MACROD2: variants seen among roughly 807,000 people sequenced by gnomAD.
The protein encoded by MACROD2 is mono-ADP ribosylhydrolase 2, also known as ADP-ribose glycohydrolase MACROD2.
In MACROD2, 36 loss-of-function variants were observed where a neutral mutation model predicts 70.4. The observed-to-expected ratio is 0.51, with a 90% CI of 0.39 to 0.68. MACROD2 has a LOEUF of 0.68. Ranked by LOEUF, MACROD2 falls within the 30% of genes least tolerant of loss-of-function variation. The probability of loss-of-function intolerance (pLI) is 0.00; values close to 1 mark genes in which losing one functional copy is unlikely to be tolerated. For missense variants in MACROD2, 496 were observed against 538.4 expected (o/e 0.92, Z 0.78); for synonymous variants, 172 against 178.8 (o/e 0.96, Z 0.30).
At chr20:15,825,557 GGCCCAAT>G (rs1206487908) in intron 8 of MACROD2, among the ~76,000 whole-genome samples, 1 of 151,650 alleles carries the variant, frequency 6.6e-6, no homozygotes, top group East Asian at 1.9e-4. Context: ...GGAGTACAGT[GGCCCAAT>G]CTTGGCTCAC....
At chr20:15,190,915 A>C (rs114328991) in intron 5 of MACROD2, among the ~76,000 whole-genome samples, 1,979 of 152,256 alleles carry the variant, frequency 0.013, 38 homozygotes, top group African/African-American at 0.044. Flanking sequence ...TGCGGTCTGG[A>C]TGGGTTGGTT....
At chr20:15,461,006 A>ATATATATATATATTTTTTTTTTT in intron 7 of MACROD2, among the ~76,000 whole-genome samples, 9 of 67,008 alleles carry the variant, frequency 1.3e-4, no homozygotes, top group African/African-American at 2.1e-4. Flanking sequence ...ATATATATAT[A>ATATATATATATATTTTTTTTTTT]TTTTTTTTTA....
At chr20:14,503,527 C>T (rs117201348) in intron 4 of MACROD2, among the ~76,000 whole-genome samples, 2,297 of 152,218 alleles carry the variant, frequency 0.015, 31 homozygotes, top group Non-Finnish European at 0.025. Context: ...CAGCTATGAA[C>T]AACTGGGAGA....
rs976415299 is a variant in MACROD2 at position 15,079,473 on chromosome 20, G to A, written c.419-150467G>A. ...CCATAATGTTAGTTTTGAGCATCCC[G>A]TTCTTTGACTACTACTTCTTATCTT... is the stretch of plus-strand genomic sequence containing the variant. On this transcript the variant is annotated intron_variant, in intron 5 of 17. Transcript: ENST00000684519. Among the ~76,000 whole-genome samples, 6 of 151,996 alleles carry A rather than the reference G, an allele frequency of 3.9e-5. No homozygotes were observed. The South Asian group carries it at 6.2e-4, about 16-fold the overall frequency.
intron 13 of MACROD2, among the ~76,000 whole-genome samples, chr20:15,982,018 C>G (rs1013171050): frequency 6.6e-6 from 1 of 151,746 alleles, no homozygotes; most frequent in Non-Finnish European, 1.5e-5. Context: ...ATCAGAGAAC[C>G]GCATCTTATT....
chr20:15,468,376 A>G (rs1165796747), intron 7 of MACROD2, among the ~76,000 whole-genome samples: 1 of 152,150 alleles, frequency 6.6e-6, no homozygotes, highest in Non-Finnish European at 1.5e-5. Context: ...TGTCTTAACT[A>G]CAAACGAAAC....
intron 12 of MACROD2, among the ~76,000 whole-genome samples, chr20:15,958,005 A>G (rs1223176440): frequency 6.6e-6 from 1 of 152,248 alleles, no homozygotes; most frequent in Non-Finnish European, 1.5e-5. Context: ...ATAAGAGGTT[A>G]TCACAAATAT....
chr20:14,356,521 T>TTTTG (rs2083174185), intron 3 of MACROD2, among the ~76,000 whole-genome samples: 2 of 118,958 alleles, frequency 1.7e-5, no homozygotes, highest in African/African-American at 3.3e-5. Flanking sequence ...TTTTTTTTTT[T>TTTTG]CGAGATGGAG....
chr20:14,978,052 TG>T, intron 5 of MACROD2, among the ~76,000 whole-genome samples: 1 of 152,270 alleles, frequency 6.6e-6, no homozygotes, highest in East Asian at 1.9e-4. Context: ...GATATGGAGC[TG>T]TAATCCATGT....
At chr20:14,133,649 G>A (rs1008260345) in intron 3 of MACROD2, among the ~76,000 whole-genome samples, 12 of 152,324 alleles carry the variant, frequency 7.9e-5, no homozygotes, top group African/African-American at 2.4e-4. Flanking sequence ...TGTGAATAAA[G>A]TGAAGGAACA....
intron 7 of MACROD2, among the ~76,000 whole-genome samples, chr20:15,451,176 G>C (rs565088804): frequency 6.6e-6 from 1 of 151,918 alleles, no homozygotes; most frequent in Non-Finnish European, 1.5e-5. Flanking sequence ...CCATTTGCCC[G>C]TGATTAGCAT....
At chr20:14,748,215 A>G (rs2071824718) in intron 5 of MACROD2, among the ~76,000 whole-genome samples, 1 of 152,000 alleles carries the variant, frequency 6.6e-6, no homozygotes, top group Admixed American at 6.5e-5. Context: ...TTTCCTGAAC[A>G]TGTTTCCCAG....
intron 6 of MACROD2, among the ~76,000 whole-genome samples, chr20:15,346,317 G>A (rs1300752399): frequency 1.3e-5 from 2 of 152,170 alleles, no homozygotes; most frequent in African/African-American, 4.8e-5. Context: ...TAAGAAGGAG[G>A]CAAGACCCTC....
At chr20:14,462,533 G>A (rs2084384695) in intron 3 of MACROD2, among the ~76,000 whole-genome samples, 1 of 152,024 alleles carries the variant, frequency 6.6e-6, no homozygotes, top group Non-Finnish European at 1.5e-5. Flanking sequence ...AAGCTCTTTA[G>A]TTTAATTAGA....
At chr20:14,765,567 G>A (rs1460927879) in intron 5 of MACROD2, among the ~76,000 whole-genome samples, 2 of 152,212 alleles carry the variant, frequency 1.3e-5, no homozygotes, top group Admixed American at 6.5e-5. Flanking sequence ...TAGTGGTGGT[G>A]AGAATAGAAC....
intron 12 of MACROD2, among the ~76,000 whole-genome samples, chr20:15,940,340 C>T (rs1352399810): frequency 1.3e-5 from 2 of 152,100 alleles, no homozygotes; most frequent in Non-Finnish European, 2.9e-5. Context: ...AGGTGATCCA[C>T]CCGCCTTGGC....
rs1336016120 is a variant in MACROD2, at chr20:14,466,223, T to C, written c.272-27256T>C. On this transcript the variant is annotated intron_variant, in intron 3 of 17. Transcript: ENST00000684519. ...CATAGTCCCATATTCCTTGGAGGCT[T>C]TGTTGATTTCTTTTTATTCTTTTTT... is the stretch of plus-strand genomic sequence containing the variant. Among the ~76,000 whole-genome samples, 3 of 151,818 alleles carry C rather than the reference T, an allele frequency of 2.0e-5. No individual in the cohort carries two copies. The South Asian group carries it at 6.2e-4, about 31-fold the overall frequency.
chr20:15,865,140 AAAG>A (rs2064474501), intron 9 of MACROD2, among the ~76,000 whole-genome samples: 1 of 152,160 alleles, frequency 6.6e-6, no homozygotes, highest in Non-Finnish European at 1.5e-5. Context: ...ATAGTTTAGA[AAAG>A]AAGTCATTTT....
chr20:14,955,180 T>C (rs1568895928), intron 5 of MACROD2, among the ~76,000 whole-genome samples: 2 of 113,452 alleles, frequency 1.8e-5, no homozygotes, highest in East Asian at 3.3e-4. Flanking sequence ...TATAATATAA[T>C]ATATAATTTA....
Sources: gnomAD v4.1 joint callset for allele counts (sites outside exome capture counted in the v4.1 genomes callset) on GRCh38, gnomAD v4.1.1 for gene constraint, MANE v1.5 for transcripts, NCBI Gene and HGNC (gene_info 2026-07-23, HGNC 2026-07-21) for gene names.